The following SLC39A8 variants were observed in gnomAD, a reference collection of about 807,000 sequenced individuals.
SLC39A8 encodes the protein solute carrier family 39 member 8.
Under a neutral mutation model 40.4 loss-of-function variants are expected in SLC39A8, and 15 were observed. The observed-to-expected ratio is 0.37, with a 90% confidence interval of 0.25 to 0.57. The LOEUF (loss-of-function observed/expected upper bound fraction) is 0.57. SLC39A8 is among the 20% of genes least tolerant of loss of function. The pLI is 0.75. For synonymous variants in SLC39A8, 223 were observed against 221.6 expected (o/e 1.01, Z -0.06); for missense variants, 472 against 558.8 (o/e 0.84, Z 1.57).
intron 6 of SLC39A8, among the ~76,000 whole-genome samples, chr4:102,282,543 A>C (rs911385359): frequency 6.6e-6 from 1 of 152,138 alleles, no homozygotes; most frequent in African/African-American, 2.4e-5. Context: ...TGGCAGGACA[A>C]GATGTTTTTT....
At chr4:102,304,260 T>G in intron 6 of SLC39A8, 57 bp downstream of exon 6, 1 of 1,402,712 alleles carries the variant, frequency 7.1e-7, no homozygotes, top group South Asian at 1.2e-5. Flanking sequence ...TAAACAGTCA[T>G]GTTTACACAG....
intron 2 of SLC39A8, among the ~76,000 whole-genome samples, chr4:102,339,783 A>G (rs1358313597): frequency 6.6e-6 from 1 of 152,176 alleles, no homozygotes; most frequent in Non-Finnish European, 1.5e-5. Flanking sequence ...AATCCACTGC[A>G]GATGGCTCCT....
intron 2 of SLC39A8, among the ~76,000 whole-genome samples, chr4:102,337,672 C>T (rs1346706660): frequency 2.0e-5 from 3 of 152,150 alleles, no homozygotes; most frequent in African/African-American, 7.2e-5. Flanking sequence ...GCAATTGCTT[C>T]AGAGGCATCA....
chr4:102,260,970 G>A (rs1412406685), downstream of SLC39A8, among the ~76,000 whole-genome samples: 1 of 152,184 alleles, frequency 6.6e-6, no homozygotes, highest in East Asian at 1.9e-4. Context: ...TCCAGAAGCT[G>A]GAAATTCCCA....
Position 102,344,899 on chromosome 4 carries a change from C to T in SLC39A8, c.-237G>A. The T allele has an allele frequency of 1.5e-6, 2 of 1,298,224 alleles. No individual in the cohort carries two copies. Among genetic ancestry groups the T allele is most frequent in the Non-Finnish European group, 1.9e-6 (2 of 1,027,994 alleles). 80.4% of individuals were successfully genotyped at this position (1,298,224 alleles called of 1,614,324 possible). ...GGGAGCGATAGGCGGAGTGGGCCCC[C>T]CGGCCTCCTGGAGAGCCTGAGATAA... is the stretch of plus-strand genomic sequence containing the variant. On this transcript the variant is annotated 5_prime_UTR_variant, in exon 2 of 9. Coordinates refer to ENST00000356736, the MANE Select transcript of SLC39A8 (RefSeq NM_001135146.2).
chr4:102,330,444 C>T (rs184698336), intron 2 of SLC39A8, among the ~76,000 whole-genome samples: 94 of 152,274 alleles, frequency 6.2e-4, no homozygotes, highest in Non-Finnish European at 9.3e-4. Flanking sequence ...AATTCCTGGA[C>T]ACATACACCC....
chr4:102,297,291 C>T (rs7699542), intron 6 of SLC39A8, among the ~76,000 whole-genome samples: 18,028 of 152,038 alleles, frequency 0.12, 1,330 homozygotes, highest in African/African-American at 0.2. Context: ...GCACTTCAAT[C>T]CTAATGTGGT....
chr4:102,329,622 C>CA (rs201339453), intron 2 of SLC39A8, among the ~76,000 whole-genome samples: 3,103 of 74,796 alleles, frequency 0.041, 102 homozygotes, highest in African/African-American at 0.13. Context: ...GAATCTGTCT[C>CA]AAAAAAAAAA....
chr4:102,333,965 G>T (rs7694139), intron 2 of SLC39A8, among the ~76,000 whole-genome samples: 5,725 of 152,218 alleles, frequency 0.038, 342 homozygotes, highest in African/African-American at 0.13. Flanking sequence ...TTTCAGGTAG[G>T]ATGTAATCAA....
rs574820186 is a variant in SLC39A8 at position 102,270,685 on chromosome 4, A to T, written c.841-2606T>A. The stretch of plus-strand genomic sequence containing the variant: ...AGTCTGGAATCTAAAACTGAGTTCA[A>T]GCTTGGCTGTGAGAAGAATTACCGT... On this transcript the variant is annotated intron_variant, in intron 6 of 8. Transcript: ENST00000356736. 3.9e-5 allele frequency among the ~76,000 whole-genome samples: 6 copies of T among 152,306 alleles called. 1 individual carries two copies. The highest frequency in any genetic ancestry group is 6.8e-3 in the Middle Eastern group (2 of 294).
At chr4:102,266,633 G>A (rs1732110440) in intron 8 of SLC39A8, among the ~76,000 whole-genome samples, 2 of 151,298 alleles carry the variant, frequency 1.3e-5, no homozygotes, top group Middle Eastern at 3.4e-3. Flanking sequence ...TTTTTAGATG[G>A]AGTCTCGTTC....
chr4:102,340,232 C>T (rs1478684252), intron 2 of SLC39A8, among the ~76,000 whole-genome samples: 1 of 152,094 alleles, frequency 6.6e-6, no homozygotes, highest in South Asian at 2.1e-4. Context: ...AGACCATGCC[C>T]TTCAACTTGT....
intron 6 of SLC39A8, among the ~76,000 whole-genome samples, chr4:102,280,285 T>C (rs1306021683): frequency 6.6e-6 from 1 of 152,224 alleles, no homozygotes; most frequent in African/African-American, 2.4e-5. Flanking sequence ...TCACCTACAC[T>C]GTGCTCAGAG....
At chr4:102,295,642 G>A (rs1191786129) in intron 6 of SLC39A8, among the ~76,000 whole-genome samples, 1 of 152,012 alleles carries the variant, frequency 6.6e-6, no homozygotes, top group Non-Finnish European at 1.5e-5. Context: ...TGATCCACCT[G>A]CCTTGGCCTC....
rs561395873 is a variant in SLC39A8 at position 102,253,351 on chromosome 4, C to G, written c.*378G>C. 5.7e-6 allele frequency: 4 copies of G among 700,342 alleles called. No homozygotes were observed. In the Admixed American group the frequency reaches 8.5e-5, roughly 15 times the overall value. 43.4% of individuals were successfully genotyped at this position (700,342 alleles called of 1,614,324 possible). On this transcript the variant is annotated 3_prime_UTR_variant and NMD_transcript_variant, in exon 12 of 12. Coordinates refer to the SLC39A8 transcript ENST00000424970. Reference sequence around the variant, plus strand: ...TCATAACTATGTCATATGCCAACCTCTAACCAATCACTGTTGAAGGTGCTG... The same window carrying G: ...TCATAACTATGTCATATGCCAACCTGTAACCAATCACTGTTGAAGGTGCTG...
At position 102,333,040 on chromosome 4, in the gene SLC39A8, T is replaced by C. The variant is rs190330241; in HGVS notation, c.219+11404A>G. Reference sequence around the variant, plus strand: ...AGGGGCTGCGGGGCTAGGGGAGGTATAGCATTAGGAGAAATACCTAATGTA... The same window carrying C: ...AGGGGCTGCGGGGCTAGGGGAGGTACAGCATTAGGAGAAATACCTAATGTA... On this transcript the variant is annotated intron_variant, in intron 2 of 8. Coordinates refer to ENST00000356736, the MANE Select transcript of SLC39A8 (RefSeq NM_001135146.2). Among the ~76,000 whole-genome samples, 90 of 152,186 alleles carry C rather than the reference T, an allele frequency of 5.9e-4. No individual in the cohort carries two copies. The South Asian group carries it at 9.5e-3, about 16-fold the overall frequency.
intron 6 of SLC39A8, among the ~76,000 whole-genome samples, chr4:102,279,420 A>G (rs10014145): frequency 0.31 from 47,343 of 151,968 alleles, 7,671 homozygotes; most frequent in South Asian, 0.37. Context: ...ACAGTGCTTA[A>G]AACTCAGGGA....
downstream of SLC39A8, among the ~76,000 whole-genome samples, chr4:102,258,853 A>C (rs545558592): frequency 8.6e-5 from 13 of 150,704 alleles, no homozygotes; most frequent in African/African-American, 3.2e-4. Flanking sequence ...AAGTTCACTC[A>C]GTACTGACCT....
At chr4:102,304,826 T>C (rs563080408) in intron 5 of SLC39A8, among the ~76,000 whole-genome samples, 163 bp downstream of exon 5, 17 of 151,896 alleles carry the variant, frequency 1.1e-4, no homozygotes, top group Middle Eastern at 6.8e-3. Context: ...CAAGTATTTA[T>C]CTTATACTTG....
Sources: gnomAD v4.1 joint callset for allele counts (sites outside exome capture counted in the v4.1 genomes callset) on GRCh38, gnomAD v4.1.1 for gene constraint, MANE v1.5 for transcripts, NCBI Gene and HGNC (gene_info 2026-07-23, HGNC 2026-07-21) for gene names.